The following DCSTAMP variants were observed in gnomAD, a reference collection of about 807,000 sequenced individuals.
The protein encoded by DCSTAMP is dendritic cell-specific transmembrane protein.
DCSTAMP carries 25 observed loss-of-function variants against 33.8 expected under a neutral mutation model. The observed-to-expected ratio is 0.74, with a 90% CI of 0.54 to 1.03. DCSTAMP has a LOEUF of 1.03. DCSTAMP is among the 50% of genes least tolerant of loss of function. The probability of loss-of-function intolerance (pLI) is 0.00; values close to 1 mark genes in which losing one functional copy is unlikely to be tolerated. For synonymous variants in DCSTAMP, 245 were observed against 216.7 expected, an observed-to-expected ratio of 1.13 and a Z score of -1.15; for missense variants, 531 against 556.8, an observed-to-expected ratio of 0.95 and a Z score of 0.47.
chr8:104,345,770 T>C (rs1458657346), intron 1 of DCSTAMP, among the ~76,000 whole-genome samples: 2 of 152,102 alleles, frequency 1.3e-5, no homozygotes, highest in African/African-American at 2.4e-5. Flanking sequence ...ATAAAGGAAA[T>C]TAGAAAAAAG....
In DCSTAMP at chr8:104,355,732, T is replaced by C. The variant is rs145082449; in HGVS notation, c.1339-392T>C. On this transcript the variant is annotated intron_variant, in intron 3 of 3. Transcript: ENST00000297581. ...TACATATTTATTAATGAGGGAATGG[T>C]AAGAAAAATTAGAACCAAAGAATAA... 7.6e-3 allele frequency among the ~76,000 whole-genome samples: 1,157 copies of C among 152,302 alleles called. 11 individuals carry two copies. Among genetic ancestry groups the C allele is most frequent in the African/African-American group, 0.025 (1,042 of 41,560 alleles).
intron 2 of DCSTAMP, among the ~76,000 whole-genome samples, chr8:104,353,113 T>A (rs2140477371): frequency 6.6e-6 from 1 of 152,326 alleles, no homozygotes; most frequent in Non-Finnish European, 1.5e-5. Context: ...GCAGTGTGAG[T>A]AAAAATAGCC....
chr8:104,349,556 A>C lies in DCSTAMP; in HGVS notation c.1004A>C (p.Glu335Ala). Reference sequence around the variant, plus strand: ...CAGTTTCAAAGCTTGCCAGGGTTTGAGGTTCACTTGAAACTGCACGGAGAG... The same window carrying C: ...CAGTTTCAAAGCTTGCCAGGGTTTGCGGTTCACTTGAAACTGCACGGAGAG... Reference protein sequence around the residue: ...SKQFQSLPGFEVHLKLHGEKQ... With the variant: ...SKQFQSLPGFAVHLKLHGEKQ... The change falls in exon 2 of 4, where the codon GAG becomes GCG. Residue 335 changes from glutamate to alanine, a missense_variant. Transcript: ENST00000297581. 2 of 1,613,218 alleles carry C rather than the reference A, an allele frequency of 1.2e-6. No homozygotes were observed. The highest frequency in any genetic ancestry group is 1.7e-6 in the Non-Finnish European group (2 of 1,179,756).
intron 2 of DCSTAMP, among the ~76,000 whole-genome samples, chr8:104,349,919 G>A (rs988492235): frequency 2.6e-5 from 4 of 152,098 alleles, no homozygotes; most frequent in African/African-American, 7.2e-5. Context: ...TGCTGTTGCC[G>A]CTCTTTGCAT....
intron 1 of DCSTAMP, among the ~76,000 whole-genome samples, chr8:104,345,008 C>G (rs1301709042): frequency 6.6e-6 from 1 of 151,974 alleles, no homozygotes; most frequent in Middle Eastern, 3.2e-3. Flanking sequence ...GTTGCTCAGG[C>G]TGGTCTCAAA....
chr8:104,344,040 A>G (rs1218222878), intron 1 of DCSTAMP, among the ~76,000 whole-genome samples: 5 of 152,244 alleles, frequency 3.3e-5, no homozygotes. Flanking sequence ...GGACTCATGA[A>G]AAGTCAGAGG....
intron 1 of DCSTAMP, among the ~76,000 whole-genome samples, chr8:104,346,308 C>T (rs549431660): frequency 7.2e-5 from 11 of 152,332 alleles, no homozygotes; most frequent in African/African-American, 1.9e-4. Context: ...GGAGGAGAGG[C>T]CACAGCTCCT....
At position 104,348,867 on chromosome 8, in the gene DCSTAMP, C is replaced by T. The variant is rs3088027; in HGVS notation, c.315C>T (p.Ile105=). The change falls in exon 2 of 4, where the codon ATC becomes ATT. Residue 105 remains isoleucine (I), a synonymous_variant. Transcript: ENST00000297581. ...CTTTGATTGCAGCTGGCACAGGGAT[C>T]GTCATCTTGGGACACGTAGAAAATA... is the stretch of plus-strand genomic sequence containing the variant. ...RNALIAAGTG[I]VILGHVENIF... is the part of the protein sequence containing the mutation. 0.12 allele frequency: 198,841 copies of T among 1,614,066 alleles called. 12,581 individuals carry two copies. The highest frequency in any genetic ancestry group is 0.18 in the Admixed American group (10,815 of 60,010).
chr8:104,349,233 T>A lies in DCSTAMP; in HGVS notation c.681T>A (p.Thr227=). ...GGCTTTCGCTCGTCCTGCTTGGCAC[T>A]GGCCTCTTCATGAAGCGATTTTTGG... ...FAGLSLVLLG[T]GLFMKRFLGP... is the part of the protein sequence containing the mutation. Residue 227 remains threonine, a synonymous_variant, in exon 2 of 4, where the codon ACT becomes ACA. Coordinates refer to ENST00000297581, the MANE Select transcript of DCSTAMP (RefSeq NM_030788.4). 6.2e-7 allele frequency: 1 copy of A among 1,614,218 alleles called. No homozygotes were observed. Among genetic ancestry groups the A allele is most frequent in the African/African-American group, 1.3e-5 (1 of 75,052 alleles).
At chr8:104,345,356 C>A (rs1441704355) in intron 1 of DCSTAMP, among the ~76,000 whole-genome samples, 2 of 152,130 alleles carry the variant, frequency 1.3e-5, no homozygotes, top group African/African-American at 4.8e-5. Flanking sequence ...GCCAAAAGGG[C>A]AGACTGGAAC....
chr8:104,341,503 A>G (rs1313713968), intron 1 of DCSTAMP, among the ~76,000 whole-genome samples: 1 of 152,338 alleles, frequency 6.6e-6, no homozygotes, highest in Non-Finnish European at 1.5e-5. Flanking sequence ...CTGAGATCCC[A>G]TGCAGGGAAA....
chr8:104,352,586 A>G (rs1187593198), intron 2 of DCSTAMP, among the ~76,000 whole-genome samples: 3 of 151,764 alleles, frequency 2.0e-5, no homozygotes, highest in Non-Finnish European at 4.4e-5. Flanking sequence ...AATTCTCACC[A>G]TGTTAGATAG....
At chr8:104,342,255 G>A (rs2099383028) in intron 1 of DCSTAMP, among the ~76,000 whole-genome samples, 1 of 152,174 alleles carries the variant, frequency 6.6e-6, no homozygotes, top group Non-Finnish European at 1.5e-5. Flanking sequence ...GGGCTAAGGT[G>A]AGAAGCCAGC....
intron 2 of DCSTAMP, among the ~76,000 whole-genome samples, chr8:104,351,379 A>G (rs1810459948): frequency 6.6e-6 from 1 of 152,186 alleles, no homozygotes; most frequent in South Asian, 2.1e-4. Flanking sequence ...TGGCAAAAAT[A>G]ATGCAGGTGA....
At chr8:104,351,767 G>A (rs1810470003) in intron 2 of DCSTAMP, among the ~76,000 whole-genome samples, 1 of 152,114 alleles carries the variant, frequency 6.6e-6, no homozygotes, top group African/African-American at 2.4e-5. Flanking sequence ...AGCATATAAT[G>A]AGCAGTGAGG....
Position 104,344,226 on chromosome 8 carries a change from T to A in DCSTAMP, c.-12-4315T>A, listed in dbSNP as rs1156981682. Among the ~76,000 whole-genome samples the A allele has an allele frequency of 6.6e-5, 10 of 152,278 alleles. No homozygotes were observed. The East Asian group carries it at 1.5e-3, about 23-fold the overall frequency. On this transcript the variant is annotated intron_variant, in intron 1 of 3. Coordinates refer to ENST00000297581, the MANE Select transcript of DCSTAMP (RefSeq NM_030788.4). ...GTGCTATCCAATACATAGGCTCCAG[T>A]TATTTATTTAACTTTAAGTAATTTA...
chr8:104,351,914 C>T (rs1810472883), intron 2 of DCSTAMP, among the ~76,000 whole-genome samples: 2 of 152,172 alleles, frequency 1.3e-5, no homozygotes, highest in Admixed American at 1.3e-4. Context: ...GCCTCAAAAA[C>T]ACCAACAGCT....
intron 1 of DCSTAMP, among the ~76,000 whole-genome samples, chr8:104,347,093 A>G (rs2140470933): frequency 6.6e-6 from 1 of 152,240 alleles, no homozygotes; most frequent in Non-Finnish European, 1.5e-5. Flanking sequence ...AATTTATTTT[A>G]TATATATATC....
rs1357708663 is a variant in DCSTAMP at position 104,356,317 on chromosome 8, A to G, written c.*119A>G. ...GTGACGCAGTCCTCTCAGGAGTCTG[A>G]GTTTACAGAGCCAACTTGCAGCACC... On this transcript the variant is annotated 3_prime_UTR_variant, in exon 4 of 4. Coordinates refer to ENST00000297581, the MANE Select transcript of DCSTAMP (RefSeq NM_030788.4). 18 of 968,938 alleles carry G rather than the reference A, an allele frequency of 1.9e-5. No homozygotes were observed. Among genetic ancestry groups the G allele is most frequent in the Non-Finnish European group, 4.3e-6 (3 of 704,516 alleles). The allele number at this position is 968,938 out of a possible 1,614,324, so 60.0% of individuals were successfully genotyped here.
Sources: allele counts gnomAD v4.1 joint callset (sites outside exome capture counted in the v4.1 genomes callset), GRCh38; gene constraint gnomAD v4.1.1; transcripts MANE v1.5; gene names NCBI Gene and HGNC (gene_info 2026-07-23, HGNC 2026-07-21).